Variants in MYO3B observed in about 807,000 individuals in gnomAD.
MYO3B encodes the protein myosin IIIB.
MYO3B carries 156 observed loss-of-function variants against 174.6 expected under a neutral mutation model. The observed-to-expected ratio is 0.89, with a 90% CI of 0.78 to 1.02. The LOEUF is 1.02. Among genes scored for constraint, MYO3B ranks in the 50% least tolerant of loss-of-function variants. The probability of loss-of-function intolerance (pLI) is 0.00; values close to 1 mark genes in which losing one functional copy is unlikely to be tolerated. For missense variants in MYO3B, 1,632 were observed against 1,639.4 expected, an observed-to-expected ratio of 1.00 and a Z score of 0.08; for synonymous variants, 563 against 569.1, an observed-to-expected ratio of 0.99 and a Z score of 0.15.
chr2:170,588,742 G>T (rs1263235474), intron 32 of MYO3B, among the ~76,000 whole-genome samples: 1 of 152,160 alleles, frequency 6.6e-6, no homozygotes, highest in Non-Finnish European at 1.5e-5. Context: ...GAGGACCTTT[G>T]TTCAAGCTAT....
chr2:170,636,143 CA>C (rs1697451119), intron 32 of MYO3B, among the ~76,000 whole-genome samples: 1 of 152,134 alleles, frequency 6.6e-6, no homozygotes, highest in Admixed American at 6.5e-5. Context: ...TATTATGAAG[CA>C]TGTGTGTTAC....
At chr2:170,369,735 T>C (rs79534968) in intron 9 of MYO3B, among the ~76,000 whole-genome samples, 3,876 of 151,830 alleles carry the variant, frequency 0.026, 71 homozygotes, top group African/African-American at 0.042. Flanking sequence ...AAAGCAACCA[T>C]GGCTGACATT....
intron 7 of MYO3B, among the ~76,000 whole-genome samples, chr2:170,238,007 A>G (rs891561659): frequency 3.9e-5 from 6 of 152,140 alleles, no homozygotes; most frequent in African/African-American, 1.4e-4. Flanking sequence ...AAGAGGTTTT[A>G]TTTTATTTTA....
intron 1 of MYO3B, among the ~76,000 whole-genome samples, chr2:170,186,706 C>G (rs774018757): frequency 1.1e-4 from 17 of 152,100 alleles, no homozygotes; most frequent in Admixed American, 6.6e-5. Flanking sequence ...GGCATTAGTT[C>G]TTCTTTAAAT....
intron 7 of MYO3B, among the ~76,000 whole-genome samples, chr2:170,301,874 CTTTTTTT>C (rs10538086): frequency 1.3e-5 from 1 of 74,740 alleles, no homozygotes; most frequent in Non-Finnish European, 2.4e-5. Context: ...AAAGTGGAGG[CTTTTTTT>C]TTTTTTTTTT....
At chr2:170,274,832 C>A (rs773555366) in intron 7 of MYO3B, among the ~76,000 whole-genome samples, 3 of 152,100 alleles carry the variant, frequency 2.0e-5, no homozygotes, top group Admixed American at 6.6e-5. Flanking sequence ...ATAATATTTT[C>A]TCTACAACAC....
intron 7 of MYO3B, 104 bp downstream of exon 7, chr2:170,236,240 A>T: frequency 7.1e-7 from 1 of 1,413,120 alleles, no homozygotes; most frequent in Non-Finnish European, 9.8e-7. Flanking sequence ...AACCTGACAA[A>T]GCCTGATTGT....
intron 22 of MYO3B, among the ~76,000 whole-genome samples, chr2:170,437,039 C>T (rs1037914821): frequency 1.1e-4 from 17 of 152,122 alleles, no homozygotes; most frequent in African/African-American, 3.9e-4. Context: ...TGTTGAATCC[C>T]CATAATAACT....
At chr2:170,357,425 A>G (rs1233654516) in intron 8 of MYO3B, among the ~76,000 whole-genome samples, 1 of 149,670 alleles carries the variant, frequency 6.7e-6, no homozygotes, top group African/African-American at 2.4e-5. Context: ...ACTACATTTT[A>G]TCTTTCACAT....
intron 32 of MYO3B, among the ~76,000 whole-genome samples, chr2:170,560,063 T>A (rs909318344): frequency 6.6e-6 from 1 of 152,244 alleles, no homozygotes; most frequent in African/African-American, 2.4e-5. Context: ...AAAGTTTAGC[T>A]GCTGCTACTG....
At position 170,400,330 on chromosome 2, in the gene MYO3B, T is replaced by C. The variant is rs1325125553; in HGVS notation, c.1918+16T>C. 1.9e-6 allele frequency: 3 copies of C among 1,613,800 alleles called. No homozygotes were observed. Among genetic ancestry groups the C allele is most frequent in the Admixed American group, 1.7e-5 (1 of 60,004 alleles). ...TTGCAAAATGGTAATTATTTGATAT[T>C]TGTGGGCTGTGTTGTTGCCAAAGCA... On this transcript the variant is annotated intron_variant, in intron 17 of 34. Coordinates refer to ENST00000408978, the MANE Select transcript of MYO3B (RefSeq NM_138995.5).
intron 32 of MYO3B, among the ~76,000 whole-genome samples, chr2:170,589,044 T>G (rs997113905): frequency 4.6e-5 from 7 of 151,958 alleles, no homozygotes; most frequent in African/African-American, 1.7e-4. Flanking sequence ...AACTAATAGT[T>G]AGTTACTGGA....
chr2:170,241,658 G>C (rs975814269), intron 7 of MYO3B, among the ~76,000 whole-genome samples: 1 of 149,328 alleles, frequency 6.7e-6, no homozygotes. Flanking sequence ...CCAGGGTCTG[G>C]ATCCTTGTGG....
chr2:170,563,075 A>T (rs1280773978), intron 32 of MYO3B, among the ~76,000 whole-genome samples: 1 of 146,450 alleles, frequency 6.8e-6, no homozygotes, highest in Non-Finnish European at 1.5e-5. Context: ...CTAGACACAC[A>T]CACTACACAC....
At chr2:170,358,717 A>C (rs1533587) in intron 8 of MYO3B, among the ~76,000 whole-genome samples, 132,907 of 152,120 alleles carry the variant, frequency 0.87, 58,560 homozygotes, top group Non-Finnish European at 0.94. Context: ...TATAGTTGCA[A>C]CCACTCATTT....
intron 18 of MYO3B, 117 bp downstream of exon 18, chr2:170,401,808 T>C (rs1253696048): frequency 1.3e-5 from 13 of 1,014,568 alleles, no homozygotes; most frequent in East Asian, 5.2e-5. Flanking sequence ...TTTTCTTTTT[T>C]TTTTTTTTTG....
intron 19 of MYO3B, 45 bp downstream of exon 19, chr2:170,403,040 G>A (rs2094488238): frequency 6.6e-7 from 1 of 1,523,900 alleles, no homozygotes; most frequent in African/African-American, 1.4e-5. Context: ...GGGAAAAGGT[G>A]TCTCCAAGCT....
chr2:170,531,937 A>C (rs1689380511), intron 30 of MYO3B, among the ~76,000 whole-genome samples: 1 of 152,240 alleles, frequency 6.6e-6, no homozygotes, highest in Non-Finnish European at 1.5e-5. Context: ...AATGGATGCT[A>C]ACACTACTAT....
chr2:170,282,501 A>G (rs923038854), intron 7 of MYO3B, among the ~76,000 whole-genome samples: 8 of 152,152 alleles, frequency 5.3e-5, no homozygotes, highest in African/African-American at 1.9e-4. Flanking sequence ...TCTCATTGTT[A>G]CTATAGCCTT....
Sources: allele counts gnomAD v4.1 joint callset (sites outside exome capture counted in the v4.1 genomes callset), GRCh38; gene constraint gnomAD v4.1.1; transcripts MANE v1.5; gene names NCBI Gene and HGNC (gene_info 2026-07-23, HGNC 2026-07-21).